The following CNTN4 variants were observed in gnomAD, a reference collection of about 807,000 sequenced individuals.
CNTN4 encodes contactin 4, also known as contactin-4.
Under a neutral mutation model 122.5 loss-of-function variants are expected in CNTN4, and 77 were observed. That is an observed-to-expected ratio of 0.63 (90% CI 0.52 to 0.76). The LOEUF (loss-of-function observed/expected upper bound fraction) is 0.76. Ranked by LOEUF, CNTN4 falls within the 30% of genes least tolerant of loss-of-function variation. The pLI is 0.00. For missense variants in CNTN4, 1,256 were observed against 1,259.1 expected (o/e 1.00, Z 0.04); for synonymous variants, 512 against 447.0 (o/e 1.15, Z -1.83).
At position 2,728,927 on chromosome 3, in the gene CNTN4, G is replaced by C. The variant is rs574624878; in HGVS notation, c.56-7288G>C. On this transcript the variant is annotated intron_variant, in intron 4 of 24. Transcript: ENST00000418658. Reference sequence around the variant, plus strand: ...GATTGACTGTATATCACAGTGCTGGGTTCTTGGCTGTTATGGCAGCACTTC... The same window carrying C: ...GATTGACTGTATATCACAGTGCTGGCTTCTTGGCTGTTATGGCAGCACTTC... Among the ~76,000 whole-genome samples, 219 of 152,274 alleles carry C rather than the reference G, an allele frequency of 1.4e-3. 1 individual carries two copies. Among genetic ancestry groups the C allele is most frequent in the South Asian group, 1.0e-2 (48 of 4,816 alleles).
intron 13 of CNTN4, among the ~76,000 whole-genome samples, chr3:2,987,063 A>G (rs1284413688): frequency 6.6e-6 from 1 of 152,222 alleles, no homozygotes; most frequent in Non-Finnish European, 1.5e-5. Context: ...CTACACTGAG[A>G]TCCTGAAGGT....
chr3:2,200,235 G>A (rs2038035847), intron 2 of CNTN4, among the ~76,000 whole-genome samples: 1 of 152,114 alleles, frequency 6.6e-6, no homozygotes, highest in African/African-American at 2.4e-5. Context: ...TTTGAGATAT[G>A]TTTGAGATAG....
At chr3:2,481,276 G>A (rs1325514024) in intron 3 of CNTN4, among the ~76,000 whole-genome samples, 1 of 151,836 alleles carries the variant, frequency 6.6e-6, no homozygotes, top group Admixed American at 6.6e-5. Flanking sequence ...GAGCAGCTAG[G>A]ATTACAGGTG....
At chr3:2,341,746 A>G (rs2044218742) in intron 3 of CNTN4, among the ~76,000 whole-genome samples, 2 of 152,244 alleles carry the variant, frequency 1.3e-5, no homozygotes, top group Non-Finnish European at 1.5e-5. Context: ...TTTCAAAAAT[A>G]AAAATAAAGT....
chr3:2,339,369 T>A (rs1198148434), intron 3 of CNTN4, 136 bp downstream of exon 3: 1 of 152,114 alleles, frequency 6.6e-6, no homozygotes, highest in Non-Finnish European at 1.5e-5. Context: ...TTATGAATGT[T>A]GAAATTAATG....
chr3:2,866,312 A>C, intron 7 of CNTN4: 1 of 198,616 alleles, frequency 5.0e-6, no homozygotes, highest in Non-Finnish European at 9.9e-6. Flanking sequence ...GGGCATTATG[A>C]TGTAATATAA....
At chr3:2,592,416 T>G (rs186900630) in intron 4 of CNTN4, among the ~76,000 whole-genome samples, 2 of 152,356 alleles carry the variant, frequency 1.3e-5, no homozygotes, top group Middle Eastern at 3.4e-3. Flanking sequence ...TTTGGTTCTG[T>G]GTCCCCACCC....
intron 13 of CNTN4, among the ~76,000 whole-genome samples, chr3:2,964,774 A>G (rs1692131021): frequency 6.6e-6 from 1 of 152,216 alleles, no homozygotes; most frequent in South Asian, 2.1e-4. Flanking sequence ...TTATTCAGGT[A>G]TAGATGAGGA....
chr3:2,431,678 T>C (rs980227123), intron 3 of CNTN4, among the ~76,000 whole-genome samples: 4 of 152,160 alleles, frequency 2.6e-5, no homozygotes, highest in Non-Finnish European at 5.9e-5. Context: ...CAAAGAAACA[T>C]GCTGGCCCTG....
At chr3:2,346,948 G>C (rs2044418645) in intron 3 of CNTN4, among the ~76,000 whole-genome samples, 1 of 152,020 alleles carries the variant, frequency 6.6e-6, no homozygotes. Flanking sequence ...TCTCTTTTCT[G>C]CATTCTTAAA....
At chr3:2,287,226 C>G (rs1016557079) in intron 2 of CNTN4, among the ~76,000 whole-genome samples, 1 of 152,156 alleles carries the variant, frequency 6.6e-6, no homozygotes, top group Non-Finnish European at 1.5e-5. Context: ...CACATTGTAA[C>G]TCTAGCATAC....
chr3:2,193,471 T>C (rs2037685430), intron 2 of CNTN4, among the ~76,000 whole-genome samples: 1 of 152,184 alleles, frequency 6.6e-6, no homozygotes. Flanking sequence ...TGGAAACTTT[T>C]ACTGGTTAAA....
intron 3 of CNTN4, chr3:2,511,719 C>G (rs932461248): frequency 1.3e-5 from 2 of 152,188 alleles, no homozygotes; most frequent in East Asian, 3.9e-4. Flanking sequence ...GTTTTACCCC[C>G]CTCTTTCTCC....
intron 4 of CNTN4, among the ~76,000 whole-genome samples, chr3:2,678,079 A>T (rs1222509277): frequency 2.0e-5 from 3 of 152,156 alleles, no homozygotes; most frequent in African/African-American, 2.4e-5. Context: ...AGGTAGGAAA[A>T]AAAGGGGGTA....
chr3:2,113,457 G>T (rs577493405), intron 2 of CNTN4, among the ~76,000 whole-genome samples: 1 of 152,110 alleles, frequency 6.6e-6, no homozygotes, highest in Admixed American at 6.5e-5. Flanking sequence ...TTTTCCTCAC[G>T]CAGATGCACT....
intron 4 of CNTN4, among the ~76,000 whole-genome samples, chr3:2,607,974 A>T (rs1265622628): frequency 6.6e-6 from 1 of 152,178 alleles, no homozygotes; most frequent in Non-Finnish European, 1.5e-5. Context: ...CATAACATCT[A>T]GTCACATCAT....
intron 4 of CNTN4, among the ~76,000 whole-genome samples, chr3:2,718,375 C>T (rs766079927): frequency 6.6e-6 from 1 of 151,840 alleles, no homozygotes; most frequent in Non-Finnish European, 1.5e-5. Flanking sequence ...GATATTTTGC[C>T]CAGAGTAGAA....
chr3:2,350,343 G>A (rs1400279435), intron 3 of CNTN4, among the ~76,000 whole-genome samples: 34 of 152,268 alleles, frequency 2.2e-4, no homozygotes, highest in Non-Finnish European at 1.2e-4. Flanking sequence ...GGACGCAGCT[G>A]CTGAATAATC....
chr3:2,790,828 A>G lies in CNTN4; in HGVS notation c.359-28658A>G, dbSNP rs182082601. On this transcript the variant is annotated intron_variant, in intron 6 of 24. Coordinates refer to ENST00000418658, the MANE Select transcript of CNTN4 (RefSeq NM_175607.3). ...TACAAGGAAAATGATCTTATTTTTT[A>G]TGCAAATCTTGCACATAAAATTGAT... 1.8e-3 allele frequency among the ~76,000 whole-genome samples: 279 copies of G among 152,278 alleles called. 1 individual carries two copies. The highest frequency in any genetic ancestry group is 3.1e-3 in the Admixed American group (47 of 15,282).
Sources: gnomAD v4.1 joint callset for allele counts (sites outside exome capture counted in the v4.1 genomes callset) on GRCh38, gnomAD v4.1.1 for gene constraint, MANE v1.5 for transcripts, NCBI Gene and HGNC (gene_info 2026-07-23, HGNC 2026-07-21) for gene names.